The following CEBPZ variants were observed in gnomAD, a reference collection of about 807,000 sequenced individuals.
The protein encoded by CEBPZ is CCAAT enhancer binding protein zeta.
A neutral mutation model predicts 104.5 loss-of-function variants in CEBPZ; 78 were observed. The ratio of observed to expected loss-of-function variants is 0.75; its 90% CI spans 0.62 to 0.90. The LOEUF (loss-of-function observed/expected upper bound fraction) is 0.90, where lower values mean the gene tolerates loss of function less well. Among genes scored for constraint, CEBPZ ranks in the 40% least tolerant of loss-of-function variants. The pLI is 0.00. For missense variants in CEBPZ, 1,439 were observed against 1,233.5 expected, an observed-to-expected ratio of 1.17 and a Z score of -2.50; for synonymous variants, 470 against 427.0, an observed-to-expected ratio of 1.10 and a Z score of -1.24.
rs772103937 is a variant in CEBPZ at position 37,211,883 on chromosome 2, T to C, written c.2760A>G (p.Thr920=). ...EFAEVDEDGG[T]FMDVLDDESE... is the part of the protein sequence containing the mutation. Reference sequence around the variant, plus strand: ...TTTCATCATCTAACACATCCATGAATGTTCCTCCATCTTCATCAACTTCAG... The same window carrying C: ...TTTCATCATCTAACACATCCATGAACGTTCCTCCATCTTCATCAACTTCAG... Residue 920 remains threonine (T), a synonymous_variant, in exon 12 of 16, where the codon ACA becomes ACG. Transcript: ENST00000234170. 7 of 1,610,398 alleles carry C rather than the reference T, an allele frequency of 4.3e-6. No individual in the cohort carries two copies. The Admixed American group carries it at 5.1e-5, about 12-fold the overall frequency.
At position 37,223,215 on chromosome 2, in the gene CEBPZ, G is replaced by T. The variant is rs1013405035; in HGVS notation, c.1836C>A (p.Ile612=). Residue 612 remains isoleucine, a synonymous_variant, in exon 3 of 16, where the codon ATC becomes ATA. Transcript: ENST00000234170. ...TTCTTAAACCTGGTTTTGCTTTAAG[G>T]ATCTCAGACACAAGATATAAAGCTC... ...ICGALYLVSE[I]LKAKPGLRSQ... is the part of the protein sequence containing the mutation. 1.2e-6 allele frequency: 2 copies of T among 1,613,894 alleles called. No homozygotes were observed. Among genetic ancestry groups the T allele is most frequent in the African/African-American group, 2.7e-5 (2 of 74,840 alleles).
At position 37,228,368 on chromosome 2, in the gene CEBPZ, CTTT is replaced by C; in HGVS notation, c.822_824del (p.Lys276del). The stretch of plus-strand genomic sequence containing the variant: ...TAAGGCACTGCTGTTTGCTGCCCTT[CTTT>C]TTAACAAGGTTCACAAGAGTTTCTA... On this transcript the variant is annotated inframe_deletion, in exon 2 of 16. Transcript: ENST00000234170. 1.9e-6 allele frequency: 3 copies of C among 1,614,168 alleles called. No individual in the cohort carries two copies. Among genetic ancestry groups the C allele is most frequent in the Middle Eastern group, 1.6e-4 (1 of 6,062 alleles).
chr2:37,221,978 A>G (rs866407684), intron 4 of CEBPZ, among the ~76,000 whole-genome samples: 50 of 152,300 alleles, frequency 3.3e-4, no homozygotes, highest in East Asian at 5.8e-4. Context: ...TTCTATCCCT[A>G]AAACATTACT....
In CEBPZ at chr2:37,210,817, A is replaced by G. The variant is rs578187801; in HGVS notation, c.2884+182T>C. 7.2e-5 allele frequency: 35 copies of G among 484,798 alleles called. No individual in the cohort carries two copies. In the South Asian group the frequency reaches 1.1e-3, roughly 16 times the overall value. 30.0% of individuals were successfully genotyped at this position (484,798 alleles called of 1,614,324 possible). The stretch of plus-strand genomic sequence containing the variant: ...GTGAATGAAAAGATGATCCAGAGAT[A>G]TCTGAATGCGAGAAACAATTCAAAA... On this transcript the variant is annotated intron_variant, in intron 13 of 15. Transcript: ENST00000234170.
chr2:37,231,094 C>T (rs1220909356), intron 1 of CEBPZ, among the ~76,000 whole-genome samples: 1 of 152,224 alleles, frequency 6.6e-6, no homozygotes, highest in Non-Finnish European at 1.5e-5. Flanking sequence ...GTGTTCAAAA[C>T]ACTCATACCA....
intron 13 of CEBPZ, among the ~76,000 whole-genome samples, chr2:37,207,092 C>A (rs190380452): frequency 6.6e-6 from 1 of 152,118 alleles, no homozygotes; most frequent in Non-Finnish European, 1.5e-5. Flanking sequence ...ATTAGTCCAA[C>A]AAGAAATGTC....
At chr2:37,217,305 G>A (rs900729488) in intron 5 of CEBPZ, among the ~76,000 whole-genome samples, 1 of 152,116 alleles carries the variant, frequency 6.6e-6, no homozygotes, top group African/African-American at 2.4e-5. Context: ...GGAGGCTAAA[G>A]TGGGAGGACT....
In CEBPZ at chr2:37,231,368, A is replaced by ACT. The variant is rs145619927; in HGVS notation, c.156+42_156+43dup. On this transcript the variant is annotated intron_variant, in intron 1 of 15. Transcript: ENST00000234170. ...GGCAGTCAGCCTAGCCACCTTCGGA[A>ACT]CTCTCCACGCCTGATCCCGTTCCCC... The ACT allele has an allele frequency of 1.5e-4, 237 of 1,611,416 alleles. 2 individuals are homozygous for ACT. In the African/African-American group the frequency reaches 2.9e-3, roughly 20 times the overall value.
chr2:37,231,372 T>C lies in CEBPZ; in HGVS notation c.156+40A>G, dbSNP rs1162111856. On this transcript the variant is annotated intron_variant, in intron 1 of 15. Coordinates refer to ENST00000234170, the MANE Select transcript of CEBPZ (RefSeq NM_005760.3). ...GTCAGCCTAGCCACCTTCGGAACTC[T>C]CCACGCCTGATCCCGTTCCCCGGAG... The C allele has an allele frequency of 4.3e-6, 7 of 1,612,300 alleles. No individual in the cohort carries two copies. In the African/African-American group the frequency reaches 6.7e-5, roughly 15 times the overall value.
chr2:37,212,133 C>A (rs1677740976), intron 11 of CEBPZ, 94 bp from the exon 12 acceptor site: 1 of 1,164,422 alleles, frequency 8.6e-7, no homozygotes, highest in South Asian at 1.5e-5. Context: ...TTAAATGACT[C>A]AGAAGGAGAA....
chr2:37,204,131 G>T (rs547719706), intron 13 of CEBPZ: 5 of 151,952 alleles, frequency 3.3e-5, no homozygotes, highest in African/African-American at 1.2e-4. Context: ...AGTTTTTTTT[G>T]GGTTTTATTC....
At chr2:37,212,187 ATGTC>A in intron 11 of CEBPZ, 144 bp downstream of exon 11, 2 of 972,462 alleles carry the variant, frequency 2.1e-6, no homozygotes, top group South Asian at 3.2e-5. Flanking sequence ...TGCTTTATAA[ATGTC>A]AAAGATGAAA....
Position 37,219,794 on chromosome 2 carries a change from A to G in CEBPZ, c.2154+591T>C, listed in dbSNP as rs376548379. On this transcript the variant is annotated intron_variant, in intron 5 of 15. Transcript: ENST00000234170. ...AACTTTTCAGAGGTATCTAATAAAT[A>G]AAGCAAAATTTATCCATTTTCTCAA... Among the ~76,000 whole-genome samples the G allele has an allele frequency of 4.6e-5, 7 of 152,212 alleles. 1 individual carries two copies. Among genetic ancestry groups the G allele is most frequent in the Admixed American group, 3.3e-4 (5 of 15,298 alleles).
intron 13 of CEBPZ, among the ~76,000 whole-genome samples, chr2:37,207,008 A>G (rs1028389573): frequency 2.0e-5 from 3 of 152,220 alleles, no homozygotes; most frequent in African/African-American, 4.8e-5. Context: ...AGCTATTCTT[A>G]TATCAGACAA....
At chr2:37,215,545 C>T (rs1372163363) in intron 8 of CEBPZ, 1 of 152,298 alleles carries the variant, frequency 6.6e-6, no homozygotes, top group African/African-American at 2.4e-5. Context: ...CTCTGGACCT[C>T]TGTGAAGTAA....
chr2:37,214,232 C>A lies in CEBPZ; in HGVS notation c.2448-271G>T, dbSNP rs145865092. Reference sequence around the variant, plus strand: ...GAATACAGCAAAACTTAGCCATTTACAGATGTAATCAAACCCTCAAAATTA... The same window carrying A: ...GAATACAGCAAAACTTAGCCATTTAAAGATGTAATCAAACCCTCAAAATTA... On this transcript the variant is annotated intron_variant, in intron 9 of 15. Coordinates refer to ENST00000234170, the MANE Select transcript of CEBPZ (RefSeq NM_005760.3). 6.2e-3 allele frequency among the ~76,000 whole-genome samples: 940 copies of A among 152,222 alleles called. 8 individuals carry two copies. Among genetic ancestry groups the A allele is most frequent in the Non-Finnish European group, 9.3e-3 (635 of 67,986 alleles).
chr2:37,202,602 G>GC (rs1223896037), intron 15 of CEBPZ, 182 bp downstream of exon 15: 1 of 439,130 alleles, frequency 2.3e-6, no homozygotes, highest in Non-Finnish European at 4.0e-6. Context: ...CCAAGATCAT[G>GC]CCACTGCATT....
At chr2:37,204,277 A>ATTTTTTTT (rs531479622) in intron 13 of CEBPZ, 3 of 109,300 alleles carry the variant, frequency 2.7e-5, no homozygotes, top group Non-Finnish European at 3.7e-5. Flanking sequence ...CTAATTTTTG[A>ATTTTTTTT]TTTTTTTTTT....
At chr2:37,223,465 T>C in intron 2 of CEBPZ, 64 bp from the exon 3 acceptor site, 2 of 1,372,402 alleles carry the variant, frequency 1.5e-6, no homozygotes, top group Non-Finnish European at 2.1e-6. Context: ...AATGGTCACA[T>C]ATTAGAAATA....
Sources: allele counts gnomAD v4.1 joint callset (sites outside exome capture counted in the v4.1 genomes callset), GRCh38; gene constraint gnomAD v4.1.1; transcripts MANE v1.5; gene names NCBI Gene and HGNC (gene_info 2026-07-23, HGNC 2026-07-21).